The following SLF1 variants were observed in gnomAD, a reference collection of about 807,000 sequenced individuals.
SLF1 encodes SMC5/6 complex localization factor 1.
Under a neutral mutation model 123.0 loss-of-function variants are expected in SLF1, and 105 were observed. That is an observed-to-expected ratio of 0.85 (90% CI 0.73 to 1.00). The LOEUF (loss-of-function observed/expected upper bound fraction) is 1.00, where lower values mean the gene tolerates loss of function less well. Among genes scored for constraint, SLF1 ranks in the 50% least tolerant of loss-of-function variants. SLF1 has a pLI of 0.00. For synonymous variants in SLF1, 434 were observed against 406.6 expected (o/e 1.07, Z -0.81); for missense variants, 1,239 against 1,223.0 (o/e 1.01, Z -0.20).
At position 94,668,965 on chromosome 5, in the gene SLF1, A is replaced by G. The variant is rs201551218; in HGVS notation, c.1533-1186A>G. Among the ~76,000 whole-genome samples the G allele has an allele frequency of 1.4e-4, 21 of 152,302 alleles. No individual in the cohort carries two copies. In the East Asian group the frequency reaches 3.9e-3, roughly 28 times the overall value. The stretch of plus-strand genomic sequence containing the variant: ...AATATCTCCATCCTTAATATCTAAT[A>G]TAATGCCTGGAATGTAAGTACTTAA... On this transcript the variant is annotated intron_variant, in intron 12 of 20. Transcript: ENST00000265140.
At chr5:94,630,812 C>G in intron 4 of SLF1, 69 bp downstream of exon 4, 1 of 1,482,738 alleles carries the variant, frequency 6.7e-7, no homozygotes. Flanking sequence ...TGAGTACTTT[C>G]TGTATTTTTT....
chr5:94,624,231 TC>T (rs1046522373), intron 1 of SLF1, among the ~76,000 whole-genome samples: 1 of 152,188 alleles, frequency 6.6e-6, no homozygotes, highest in Non-Finnish European at 1.5e-5. Context: ...GTTTCCTACT[TC>T]CCTTTCCTCC....
rs148686065 is a variant in SLF1, at chr5:94,695,932, G to C, written c.*620G>C. On this transcript the variant is annotated 3_prime_UTR_variant, in exon 21 of 21. Transcript: ENST00000265140. Reference sequence around the variant, plus strand: ...GCAGAGTCTGACAGTTCAATTCCTTGATCTGTTTTATTTTAGCAATTCATA... The same window carrying C: ...GCAGAGTCTGACAGTTCAATTCCTTCATCTGTTTTATTTTAGCAATTCATA... The C allele has an allele frequency of 2.0e-5, 3 of 151,902 alleles. No individual in the cohort carries two copies. The highest frequency in any genetic ancestry group is 7.2e-5 in the African/African-American group (3 of 41,512). The allele number at this position is 151,902 out of a possible 1,614,324, so 9.4% of individuals were successfully genotyped here.
intron 4 of SLF1, among the ~76,000 whole-genome samples, chr5:94,635,702 C>A (rs946013023): frequency 6.6e-6 from 1 of 151,944 alleles, no homozygotes; most frequent in Non-Finnish European, 1.5e-5. Context: ...TACACATTTA[C>A]TCTCCCCCAT....
At chr5:94,622,748 A>G (rs1343881830) in intron 1 of SLF1, among the ~76,000 whole-genome samples, 1 of 152,048 alleles carries the variant, frequency 6.6e-6, no homozygotes, top group Non-Finnish European at 1.5e-5. Context: ...AAGTTTTTTT[A>G]TTAAGTCTTA....
intron 12 of SLF1, among the ~76,000 whole-genome samples, chr5:94,668,761 T>C (rs1750105437): frequency 6.6e-6 from 1 of 152,214 alleles, no homozygotes; most frequent in Non-Finnish European, 1.5e-5. Flanking sequence ...ATTACAGGAA[T>C]GGGCCACCAT....
At chr5:94,629,370 A>G (rs1307242627) in intron 3 of SLF1, among the ~76,000 whole-genome samples, 1 of 152,012 alleles carries the variant, frequency 6.6e-6, no homozygotes, top group African/African-American at 2.4e-5. Flanking sequence ...TTAAATAGGC[A>G]GAAATATTTA....
At chr5:94,630,931 A>G (rs1350787075) in intron 4 of SLF1, among the ~76,000 whole-genome samples, 188 bp downstream of exon 4, 6 of 152,170 alleles carry the variant, frequency 3.9e-5, no homozygotes, top group African/African-American at 1.4e-4. Context: ...CTACTTTACA[A>G]TATTGTTTTA....
At chr5:94,625,715 A>G (rs1792177466) in intron 1 of SLF1, among the ~76,000 whole-genome samples, 2 of 152,166 alleles carry the variant, frequency 1.3e-5, no homozygotes, top group Non-Finnish European at 2.9e-5. Context: ...AAATTTGCTT[A>G]AAGGATTTAA....
At chr5:94,649,031 C>T (rs895722120) in intron 5 of SLF1, among the ~76,000 whole-genome samples, 3 of 152,096 alleles carry the variant, frequency 2.0e-5, no homozygotes, top group Non-Finnish European at 4.4e-5. Context: ...ACCTTTTCCT[C>T]TCTATGTGGG....
chr5:94,647,288 A>G (rs565069407), intron 5 of SLF1, among the ~76,000 whole-genome samples: 1 of 152,350 alleles, frequency 6.6e-6, no homozygotes, highest in South Asian at 2.1e-4. Context: ...AGAACCAAGT[A>G]GCACTCAAAG....
chr5:94,665,845 TATTTTTAAATA>T lies in SLF1; in HGVS notation c.1369-13_1369-3del. ...AGCTATAGTGTTTTATTTGTTTGTTTATTTTTAAATAATAGGATAACATAGATACATTTTCT... is the reference window on the plus strand; with the variant it reads ...AGCTATAGTGTTTTATTTGTTTGTTTATAGGATAACATAGATACATTTTCT... On this transcript the variant is annotated splice_polypyrimidine_tract_variant and splice_region_variant and intron_variant, in intron 11 of 20. Coordinates refer to ENST00000265140, the MANE Select transcript of SLF1 (RefSeq NM_032290.4). 1 of 1,526,656 alleles carries T rather than the reference TATTTTTAAATA, an allele frequency of 6.6e-7. No individual in the cohort carries two copies. Among genetic ancestry groups the T allele is most frequent in the Non-Finnish European group, 8.9e-7 (1 of 1,127,364 alleles). The allele number at this position is 1,526,656 out of a possible 1,614,324, so 94.6% of individuals were successfully genotyped here. A position where few individuals can be genotyped will look rare whatever the true frequency, so the allele number is the denominator to read the frequency against.
chr5:94,628,876 G>T lies in SLF1; in HGVS notation c.66G>T (p.Ala22=), dbSNP rs760254088. The change falls in exon 2 of 21, where the codon GCG becomes GCT. Residue 22 remains alanine, a synonymous_variant. Coordinates refer to ENST00000265140, the MANE Select transcript of SLF1 (RefSeq NM_032290.4). ...MTGFKMEEKE[A]LVKLLLKLDC... ...GATTTAAGATGGAAGAAAAAGAAGC[G>T]CTAGTCAAATTACTTTTAAAACTAG... The T allele has an allele frequency of 6.5e-7, 1 of 1,549,800 alleles. No homozygotes were observed. The highest frequency in any genetic ancestry group is 8.7e-7 in the Non-Finnish European group (1 of 1,146,234).
intron 19 of SLF1, 140 bp from the exon 20 acceptor site, chr5:94,691,934 C>A: frequency 1.3e-6 from 1 of 748,048 alleles, no homozygotes; most frequent in Non-Finnish European, 2.0e-6. Flanking sequence ...TGATTACACC[C>A]TAGACATTTT....
intron 12 of SLF1, among the ~76,000 whole-genome samples, chr5:94,667,084 A>G (rs1407384406): frequency 6.6e-6 from 1 of 151,550 alleles, no homozygotes; most frequent in Non-Finnish European, 1.5e-5. Flanking sequence ...AGATTCACAT[A>G]CCATCTTGGT....
At position 94,692,231 on chromosome 5, in the gene SLF1, T is replaced by G; in HGVS notation, c.2670T>G (p.Ile890Met). Residue 890 changes from isoleucine (I) to methionine (M), a missense_variant, in exon 20 of 21, where the codon ATT becomes ATG. By Grantham distance (10) the Ile-to-Met change is conservative. Coordinates refer to ENST00000265140, the MANE Select transcript of SLF1 (RefSeq NM_032290.4). ...CACTGTCAAACGGACATGTAGAAAT[T>G]GGCAAGCTGCTACTACAGCATGGGG... ...HDALSNGHVEIGKLLLQHGGP... is the reference protein window; with the variant it reads ...HDALSNGHVEMGKLLLQHGGP... 6.2e-7 allele frequency: 1 copy of G among 1,613,616 alleles called. No homozygotes were observed. Among genetic ancestry groups the G allele is most frequent in the South Asian group, 1.1e-5 (1 of 91,042 alleles).
intron 4 of SLF1, among the ~76,000 whole-genome samples, chr5:94,634,183 A>G (rs1022585365): frequency 1.3e-5 from 2 of 152,222 alleles, no homozygotes; most frequent in East Asian, 3.9e-4. Flanking sequence ...CTTTTGCTTT[A>G]TTTATACTGA....
chr5:94,696,895 T>C lies in SLF1; in HGVS notation c.*1583T>C, dbSNP rs1169869692. On this transcript the variant is annotated 3_prime_UTR_variant, in exon 21 of 21. Transcript: ENST00000265140. ...CACATCATATGACACTTAATAAATA[T>C]TATTTCCTTTCTAATTCTTACCTCC... 2 of 151,902 alleles carry C rather than the reference T, an allele frequency of 1.3e-5. No individual in the cohort carries two copies. Among genetic ancestry groups the C allele is most frequent in the African/African-American group, 4.8e-5 (2 of 41,406 alleles). The allele number at this position is 151,902 out of a possible 1,614,324, so 9.4% of individuals were successfully genotyped here. A position where few individuals can be genotyped will look rare whatever the true frequency, so the allele number is the denominator to read the frequency against.
intron 9 of SLF1, among the ~76,000 whole-genome samples, chr5:94,659,873 G>T (rs1379192767): frequency 6.6e-6 from 1 of 152,108 alleles, no homozygotes; most frequent in Non-Finnish European, 1.5e-5. Context: ...TCTCTGGGTG[G>T]TGTGCATGGC....
Sources: gnomAD v4.1 joint callset for allele counts (sites outside exome capture counted in the v4.1 genomes callset) on GRCh38, gnomAD v4.1.1 for gene constraint, MANE v1.5 for transcripts, NCBI Gene and HGNC (gene_info 2026-07-23, HGNC 2026-07-21) for gene names.